The following HACE1 variants were observed in gnomAD, a reference collection of about 807,000 sequenced individuals.
The protein encoded by HACE1 is HECT domain and ankyrin repeat containing E3 ubiquitin protein ligase 1.
HACE1 carries 73 observed loss-of-function variants against 118.4 expected under a neutral mutation model. The observed-to-expected ratio is 0.62, with a 90% CI of 0.51 to 0.75. HACE1 has a LOEUF of 0.75. Among genes scored for constraint, HACE1 ranks in the 30% least tolerant of loss-of-function variants. The pLI is 0.00. For synonymous variants in HACE1, 368 were observed against 374.8 expected, an observed-to-expected ratio of 0.98 and a Z score of 0.21; for missense variants, 749 against 1,102.2, an observed-to-expected ratio of 0.68 and a Z score of 4.54.
intron 22 of HACE1, among the ~76,000 whole-genome samples, chr6:104,737,281 T>TCAAAAAAA (rs1775965848): frequency 2.0e-5 from 1 of 49,624 alleles, no homozygotes; most frequent in African/African-American, 8.9e-5. Flanking sequence ...AGACTCTCTC[T>TCAAAAAAA]CAAAAAAAAA....
chr6:104,739,141 C>G (rs954443517), intron 22 of HACE1, among the ~76,000 whole-genome samples: 6 of 152,034 alleles, frequency 3.9e-5, no homozygotes, highest in African/African-American at 1.2e-4. Context: ...CACCACCAGG[C>G]CTGCCCTAAA....
At chr6:104,782,907 A>G (rs1157523481) in intron 14 of HACE1, among the ~76,000 whole-genome samples, 1 of 152,220 alleles carries the variant, frequency 6.6e-6, no homozygotes, top group Admixed American at 6.5e-5. Context: ...TCTGTCCTAC[A>G]TATCTGGCAA....
intron 17 of HACE1, among the ~76,000 whole-genome samples, chr6:104,775,288 G>A (rs1289595199): frequency 6.6e-6 from 1 of 152,070 alleles, no homozygotes; most frequent in Non-Finnish European, 1.5e-5. Flanking sequence ...GGGAGGCTGA[G>A]GTGGAGGGTC....
At chr6:104,745,089 T>C (rs540247629) in intron 20 of HACE1, among the ~76,000 whole-genome samples, 18 of 152,244 alleles carry the variant, frequency 1.2e-4, no homozygotes, top group East Asian at 1.2e-3. Flanking sequence ...AAGGAGGTAA[T>C]ATAAAAATAG....
At chr6:104,766,260 T>C (rs2114677957) in intron 19 of HACE1, among the ~76,000 whole-genome samples, 1 of 152,074 alleles carries the variant, frequency 6.6e-6, no homozygotes, top group South Asian at 2.1e-4. Flanking sequence ...GAAGAAAAAA[T>C]ATATATGCAG....
rs369787683 is a variant in HACE1, at chr6:104,858,384, G to A, written c.76+1183C>T. On this transcript the variant is annotated intron_variant, in intron 1 of 23. Coordinates refer to ENST00000262903, the MANE Select transcript of HACE1 (RefSeq NM_020771.4). ...TACCAAAATCTGAATTCTAAATAGA[G>A]ACTAGAGACCATTTTTTCAAGAAGA... The A allele has an allele frequency of 3.2e-3, 802 of 253,190 alleles. 23 individuals are homozygous for A. The highest frequency in any genetic ancestry group is 0.025 in the South Asian group (765 of 30,016). The allele number at this position is 253,190 out of a possible 1,614,324, so 15.7% of individuals were successfully genotyped here.
intron 5 of HACE1, 30 bp from the exon 6 acceptor site, chr6:104,833,203 G>C: frequency 6.2e-7 from 1 of 1,601,168 alleles, no homozygotes; most frequent in Non-Finnish European, 8.6e-7. Flanking sequence ...CTTAACATTT[G>C]TGTAATAGTG....
chr6:104,781,874 A>C (rs1441970409), intron 14 of HACE1, among the ~76,000 whole-genome samples: 1 of 152,188 alleles, frequency 6.6e-6, no homozygotes, highest in Non-Finnish European at 1.5e-5. Context: ...TCCTCACCCT[A>C]GTCAGGCAAC....
At chr6:104,810,046 A>G (rs897667652) in intron 7 of HACE1, among the ~76,000 whole-genome samples, 1 of 152,084 alleles carries the variant, frequency 6.6e-6, no homozygotes, top group Non-Finnish European at 1.5e-5. Context: ...CTAAGTGATG[A>G]TGTTAAACAG....
At position 104,786,274 on chromosome 6, in the gene HACE1, G is replaced by A. The variant is rs533072006; in HGVS notation, c.1075-955C>T. 5 of 150,768 alleles carry A rather than the reference G, an allele frequency of 3.3e-5. No homozygotes were observed. The South Asian group carries it at 1.0e-3, about 32-fold the overall frequency. 9.3% of individuals were successfully genotyped at this position (150,768 alleles called of 1,614,324 possible). On this transcript the variant is annotated intron_variant, in intron 11 of 23. Transcript: ENST00000262903. ...GACGATCACTTGAACCCAGGAGGCA[G>A]AGGTTGCAGTGAGCTAAGATCACAC...
chr6:104,790,375 G>C (rs772935329), intron 11 of HACE1, among the ~76,000 whole-genome samples: 5 of 152,176 alleles, frequency 3.3e-5, no homozygotes, highest in Non-Finnish European at 7.4e-5. Context: ...ATCCTAACTA[G>C]TTTTCAAGGA....
At chr6:104,799,119 T>A (rs1337215375) in intron 7 of HACE1, among the ~76,000 whole-genome samples, 1 of 152,340 alleles carries the variant, frequency 6.6e-6, no homozygotes, top group South Asian at 2.1e-4. Context: ...TAGGATATAC[T>A]AGGTAACAAG....
At chr6:104,771,872 T>C in intron 18 of HACE1, 53 bp downstream of exon 18, 1 of 1,211,946 alleles carries the variant, frequency 8.3e-7, no homozygotes. Context: ...TTCCTCAAAC[T>C]GAAAAAAAAA....
chr6:104,831,178 G>A (rs1773829445), intron 6 of HACE1: 1 of 152,204 alleles, frequency 6.6e-6, no homozygotes, highest in African/African-American at 2.4e-5. Flanking sequence ...ATATAAGGCA[G>A]TAAAGTCTCT....
chr6:104,748,116 T>C (rs1259511041), intron 20 of HACE1, among the ~76,000 whole-genome samples: 1 of 151,786 alleles, frequency 6.6e-6, no homozygotes, highest in East Asian at 1.9e-4. Context: ...AAAAAACTGA[T>C]AAACTGAACT....
At chr6:104,763,686 T>G (rs1779654592) in intron 19 of HACE1, among the ~76,000 whole-genome samples, 1 of 152,162 alleles carries the variant, frequency 6.6e-6, no homozygotes, top group African/African-American at 2.4e-5. Context: ...AGAATATCTG[T>G]GCCAGCTGTT....
At chr6:104,804,487 A>G (rs1370928199) in intron 7 of HACE1, among the ~76,000 whole-genome samples, 3 of 152,180 alleles carry the variant, frequency 2.0e-5, no homozygotes, top group African/African-American at 7.2e-5. Context: ...ACAGTAACCA[A>G]AACAGCATGG....
At chr6:104,794,048 A>G (rs986313393) in intron 10 of HACE1, among the ~76,000 whole-genome samples, 2 of 152,182 alleles carry the variant, frequency 1.3e-5, no homozygotes, top group East Asian at 1.9e-4. Flanking sequence ...TAGAAGCTAG[A>G]TTAGAACCTA....
chr6:104,734,351 C>T (rs1246916748), intron 22 of HACE1, among the ~76,000 whole-genome samples: 1 of 151,826 alleles, frequency 6.6e-6, no homozygotes, highest in African/African-American at 2.4e-5. Flanking sequence ...ATACTACAGA[C>T]CTGTAGAAAG....
Sources: gnomAD v4.1 joint callset for allele counts (sites outside exome capture counted in the v4.1 genomes callset) on GRCh38, gnomAD v4.1.1 for gene constraint, MANE v1.5 for transcripts, NCBI Gene and HGNC (gene_info 2026-07-23, HGNC 2026-07-21) for gene names.